Variants in ELAVL4 observed in about 807,000 individuals in gnomAD.
ELAVL4 encodes the protein ELAV-like protein 4.
ELAVL4 carries 1 observed loss-of-function variant against 35.6 expected under a neutral mutation model. That is an observed-to-expected ratio of 0.03 (90% CI 0.01 to 0.13). ELAVL4 has a LOEUF of 0.13. Among genes scored for constraint, ELAVL4 ranks in the 10% least tolerant of loss-of-function variants. The pLI is 1.00. For missense variants in ELAVL4, 267 were observed against 464.9 expected (o/e 0.57, Z 3.91); for synonymous variants, 156 against 171.0 (o/e 0.91, Z 0.69).
At chr1:50,128,730 A>G (rs1339260768) in intron 1 of ELAVL4, among the ~76,000 whole-genome samples, 1 of 152,074 alleles carries the variant, frequency 6.6e-6, no homozygotes, top group African/African-American at 2.4e-5. Flanking sequence ...AGAGTGTGGC[A>G]CAGGAGAGAA....
rs774263808 is a variant in ELAVL4 at position 50,145,051 on chromosome 1, T to C, written c.104T>C (p.Met35Thr). Residue 35 changes from methionine to threonine, a missense_variant, in exon 2 of 7, where the codon ATG (methionine) becomes ACG (threonine). Met to Thr is a moderately conservative substitution (Grantham distance 81, BLOSUM62 -1). Coordinates refer to ENST00000371824, the MANE Select transcript of ELAVL4 (RefSeq NM_001144774.3). ...SSNNRNCPSP[M>T]QTGATTDDSK... The stretch of plus-strand genomic sequence containing the variant: ...AACAACAGAAACTGTCCTTCTCCCA[T>C]GCAAACAGGGGCAACCACAGATGAC... 1 of 1,613,886 alleles carries C rather than the reference T, an allele frequency of 6.2e-7. No homozygotes were observed. Among genetic ancestry groups the C allele is most frequent in the Non-Finnish European group, 8.5e-7 (1 of 1,179,960 alleles).
rs534942055 is a variant in ELAVL4, at chr1:50,080,172, A to G, written c.18+31990A>G. Among the ~76,000 whole-genome samples, 45 of 152,302 alleles carry G rather than the reference A, an allele frequency of 3.0e-4. 1 individual carries two copies. The highest frequency in any genetic ancestry group is 9.1e-4 in the African/African-American group (38 of 41,572). ...GTCTTTAAACATTGCTAACATTAAC[A>G]ATTCCCATCAATGAAGTTAACTAAA... On this transcript the variant is annotated intron_variant, in intron 1 of 6. Transcript: ENST00000448907.
At chr1:50,134,638 T>C (rs1671582595) in intron 1 of ELAVL4, among the ~76,000 whole-genome samples, 1 of 152,174 alleles carries the variant, frequency 6.6e-6, no homozygotes, top group Admixed American at 6.6e-5. Context: ...ATTTGTCTTT[T>C]TCAAATCTGA....
In ELAVL4 at chr1:50,109,016, C is replaced by CGGGGGGGGGGGGGCG; in HGVS notation, c.-174_-173insGGGGGGGGGGGGGCG. 2.2e-6 allele frequency: 2 copies of CGGGGGGGGGGGGGCG among 905,766 alleles called. No homozygotes were observed. The highest frequency in any genetic ancestry group is 2.6e-6 in the Non-Finnish European group (2 of 761,380). The allele number at this position is 905,766 out of a possible 1,614,324, so 56.1% of individuals were successfully genotyped here. A position where few individuals can be genotyped will look rare whatever the true frequency, so the allele number is the denominator to read the frequency against. On this transcript the variant is annotated 5_prime_UTR_variant, in exon 1 of 7. Coordinates refer to ENST00000371824, the MANE Select transcript of ELAVL4 (RefSeq NM_001144774.3). ...CTCCTTTTCTTTTTTTTCTTTCTCT[C>CGGGGGGGGGGGGGCG]CCCCGCCCACCCCCCCAAAAATAAT...
upstream of ELAVL4, among the ~76,000 whole-genome samples, chr1:50,103,752 A>ATG (rs757467944): frequency 1.3e-5 from 2 of 151,982 alleles, no homozygotes; most frequent in South Asian, 2.1e-4. Context: ...AATTATCTAT[A>ATG]TGTGTGTGTG....
At chr1:50,142,915 T>C (rs567920733) in intron 1 of ELAVL4, among the ~76,000 whole-genome samples, 1 of 152,194 alleles carries the variant, frequency 6.6e-6, no homozygotes, top group Non-Finnish European at 1.5e-5. Context: ...ACAATGGAAA[T>C]TGCTATAGCA....
chr1:50,175,204 G>A (rs1488849547), intron 2 of ELAVL4, among the ~76,000 whole-genome samples: 14 of 152,148 alleles, frequency 9.2e-5, no homozygotes, highest in Admixed American at 9.2e-4. Context: ...AAATTTGCAT[G>A]ATGAAAATGT....
At chr1:50,104,000 G>A (rs756010040), upstream of ELAVL4, 1 of 1,613,974 alleles carries the variant, frequency 6.2e-7, no homozygotes. Flanking sequence ...ATATGGAACA[G>A]GTCTGTTTAG....
intron 2 of ELAVL4, 31 bp from the exon 3 acceptor site, chr1:50,177,058 C>T: frequency 6.4e-7 from 1 of 1,572,800 alleles, no homozygotes; most frequent in Non-Finnish European, 8.7e-7. Flanking sequence ...CTCTCTCTCC[C>T]TTTCTCTCTC....
chr1:50,196,767 A>G (rs148236368), intron 5 of ELAVL4, among the ~76,000 whole-genome samples: 181 of 152,348 alleles, frequency 1.2e-3, no homozygotes, highest in African/African-American at 4.1e-3. Flanking sequence ...AAGCCTCTCC[A>G]GCAGACTTCT....
rs950679464 is a variant in ELAVL4, at chr1:50,164,335, C to T, written c.251-12754C>T. 3.4e-4 allele frequency among the ~76,000 whole-genome samples: 51 copies of T among 152,160 alleles called. 1 individual carries two copies. Among genetic ancestry groups the T allele is most frequent in the Admixed American group, 3.3e-3 (50 of 15,276 alleles). On this transcript the variant is annotated intron_variant, in intron 2 of 6. Transcript: ENST00000371824. ...TGCACATGTCTAGGCATGGGGCTCT[C>T]GCTACCTCACAAGGCAGCCCACCCC...
At chr1:50,168,202 G>A (rs1416903443) in intron 2 of ELAVL4, among the ~76,000 whole-genome samples, 2 of 152,166 alleles carry the variant, frequency 1.3e-5, no homozygotes, top group Admixed American at 6.5e-5. Flanking sequence ...AACTCCCCAT[G>A]AGGCCATTGG....
At chr1:50,115,098 C>T (rs1667726087) in intron 1 of ELAVL4, 1 of 152,064 alleles carries the variant, frequency 6.6e-6, no homozygotes, top group Non-Finnish European at 1.5e-5. Flanking sequence ...CTCCAGCTGT[C>T]TCTTTCTCTC....
intron 1 of ELAVL4, among the ~76,000 whole-genome samples, chr1:50,133,617 A>AAGAAAG (rs1553174482): frequency 2.0e-5 from 3 of 147,460 alleles, no homozygotes; most frequent in Non-Finnish European, 3.0e-5. Context: ...GAAAGAAAGA[A>AAGAAAG]AGAAAGAAAG....
At chr1:50,090,803 CG>C (rs775034655) in intron 1 of ELAVL4, among the ~76,000 whole-genome samples, 5 of 152,152 alleles carry the variant, frequency 3.3e-5, no homozygotes, top group African/African-American at 7.2e-5. Context: ...TTCCAATGGC[CG>C]GAGCTCAATC....
chr1:50,110,099 A>G (rs1049515873), intron 1 of ELAVL4: 9 of 1,159,390 alleles, frequency 7.8e-6, no homozygotes, highest in African/African-American at 4.6e-5. Flanking sequence ...TTGTGTGTGT[A>G]TGTATGTGTG....
At chr1:50,126,104 G>T (rs909416749) in intron 1 of ELAVL4, among the ~76,000 whole-genome samples, 2 of 152,062 alleles carry the variant, frequency 1.3e-5, no homozygotes, top group Non-Finnish European at 2.9e-5. Context: ...TTTAGGTATT[G>T]GTAATTTATT....
intron 1 of ELAVL4, among the ~76,000 whole-genome samples, chr1:50,095,559 C>T (rs1332249250): frequency 6.6e-6 from 1 of 152,118 alleles, no homozygotes; most frequent in Non-Finnish European, 1.5e-5. Flanking sequence ...TTTTTACACA[C>T]ACACACACAT....
At chr1:50,186,994 C>T (rs150436889) in intron 3 of ELAVL4, among the ~76,000 whole-genome samples, 1 of 152,310 alleles carries the variant, frequency 6.6e-6, no homozygotes, top group East Asian at 1.9e-4. Context: ...AACCAGTTGG[C>T]TTCTTTCTTC....
Sources: allele counts gnomAD v4.1 joint callset (sites outside exome capture counted in the v4.1 genomes callset), GRCh38; gene constraint gnomAD v4.1.1; transcripts MANE v1.5; gene names NCBI Gene and HGNC (gene_info 2026-07-23, HGNC 2026-07-21).